GLG1: variants seen among roughly 807,000 people sequenced by gnomAD.
GLG1 encodes golgi glycoprotein 1.
GLG1 carries 38 observed loss-of-function variants against 160.5 expected under a neutral mutation model. The ratio of observed to expected loss-of-function variants is 0.24; its 90% CI spans 0.18 to 0.31. The LOEUF (loss-of-function observed/expected upper bound fraction) is 0.31. GLG1 is among the 10% of genes least tolerant of loss of function. GLG1 has a pLI of 1.00. For synonymous variants in GLG1, 644 were observed against 543.4 expected, an observed-to-expected ratio of 1.19 and a Z score of -2.57; for missense variants, 1,373 against 1,505.2, an observed-to-expected ratio of 0.91 and a Z score of 1.45.
rs1472286993 is a variant in GLG1, at chr16:74,477,393, T to C, written c.1965+3A>G. On this transcript the variant is annotated splice_donor_region_variant and intron_variant, in intron 12 of 25. Coordinates refer to ENST00000422840, the MANE Select transcript of GLG1 (RefSeq NM_001145667.2). ...AAGACAAACAGAAAGCGATGTCACC[T>C]ACCTGTCCAGTCTCTGTTTTCTCAC... 3 of 1,608,206 alleles carry C rather than the reference T, an allele frequency of 1.9e-6. No individual in the cohort carries two copies. Among genetic ancestry groups the C allele is most frequent in the Non-Finnish European group, 2.6e-6 (3 of 1,174,740 alleles).
intron 12 of GLG1, among the ~76,000 whole-genome samples, chr16:74,476,537 G>A (rs1204317845): frequency 6.6e-6 from 1 of 152,122 alleles, no homozygotes; most frequent in Non-Finnish European, 1.5e-5. Flanking sequence ...TGGTACAAAT[G>A]GAACCCAGAA....
chr16:74,604,189 C>G (rs2143926636), intron 1 of GLG1, among the ~76,000 whole-genome samples: 1 of 152,112 alleles, frequency 6.6e-6, no homozygotes, highest in East Asian at 1.9e-4. Context: ...ACCCTGTCTC[C>G]ATAATAAAAA....
Position 74,600,753 on chromosome 16 carries a change from A to C in GLG1, c.438+5904T>G, listed in dbSNP as rs1035356009. Among the ~76,000 whole-genome samples the C allele has an allele frequency of 6.5e-3, 893 of 138,020 alleles. 3 individuals carry two copies. Among genetic ancestry groups the C allele is most frequent in the Middle Eastern group, 0.025 (7 of 278 alleles). 90.5% of individuals were successfully genotyped at this position (138,020 alleles called of 152,430 possible). ...CCTCAAAAAAAAAAAAAAAAAAAAA[A>C]ACAAAAAAAAACAGTGACAGAAATT... is the stretch of plus-strand genomic sequence containing the variant. On this transcript the variant is annotated intron_variant, in intron 1 of 25. Transcript: ENST00000422840.
At chr16:74,577,165 A>T (rs903730411) in intron 1 of GLG1, among the ~76,000 whole-genome samples, 3 of 152,164 alleles carry the variant, frequency 2.0e-5, no homozygotes, top group African/African-American at 7.2e-5. Flanking sequence ...GGCTCAAGAG[A>T]TCCTCCCACC....
chr16:74,519,015 A>G (rs1354093856), intron 2 of GLG1, among the ~76,000 whole-genome samples: 2 of 152,224 alleles, frequency 1.3e-5, no homozygotes, highest in African/African-American at 4.8e-5. Context: ...AAATCATTAT[A>G]TGATAAAGAC....
chr16:74,498,447 A>AACTATATATATATATATATATATAT, intron 4 of GLG1, among the ~76,000 whole-genome samples: 1 of 8,224 alleles, frequency 1.2e-4, no homozygotes, highest in East Asian at 9.6e-3. Context: ...AAAAAAAAAA[A>AACTATATATATATATATATATATAT]GTATATATAT....
At chr16:74,547,390 A>C (rs1230076563) in intron 1 of GLG1, among the ~76,000 whole-genome samples, 4 of 151,938 alleles carry the variant, frequency 2.6e-5, no homozygotes, top group Non-Finnish European at 5.9e-5. Context: ...TAGCTTACAT[A>C]AGTAATTGCC....
In GLG1 at chr16:74,474,542, T is replaced by C; in HGVS notation, c.2052+4A>G. On this transcript the variant is annotated splice_donor_region_variant and intron_variant, in intron 13 of 25. Transcript: ENST00000422840. ...CTCCAATGAGTAAGCTGCATACCACTTACCTCTGATTCTAACTCAGTGAGG... is the reference window on the plus strand; with the variant it reads ...CTCCAATGAGTAAGCTGCATACCACCTACCTCTGATTCTAACTCAGTGAGG... 7.2e-7 allele frequency: 1 copy of C among 1,379,562 alleles called. No homozygotes were observed. The highest frequency in any genetic ancestry group is 1.0e-6 in the Non-Finnish European group (1 of 965,898). 85.5% of individuals were successfully genotyped at this position (1,379,562 alleles called of 1,614,324 possible).
At chr16:74,470,166 T>C in intron 15 of GLG1, 93 bp from the exon 16 acceptor site, 3 of 775,244 alleles carry the variant, frequency 3.9e-6, no homozygotes, top group Non-Finnish European at 6.9e-6. Flanking sequence ...CTCACAAGCC[T>C]GTTTACAAGA....
Position 74,452,429 on chromosome 16 carries a change from C to T in GLG1, c.*738G>A. On this transcript the variant is annotated 3_prime_UTR_variant, in exon 26 of 26. Coordinates refer to ENST00000422840, the MANE Select transcript of GLG1 (RefSeq NM_001145667.2). ...CCGGTCCCTTCCCCTCCCCAGCTGC[C>T]CTTGTCTAGGAAGGCTCATGCTTTG... 8.6e-7 allele frequency: 1 copy of T among 1,156,270 alleles called. No homozygotes were observed. Among genetic ancestry groups the T allele is most frequent in the South Asian group, 2.5e-5 (1 of 39,348 alleles). The allele number at this position is 1,156,270 out of a possible 1,614,324, so 71.6% of individuals were successfully genotyped here.
intron 1 of GLG1, among the ~76,000 whole-genome samples, chr16:74,600,483 G>T (rs180671422): frequency 1.3e-3 from 202 of 152,198 alleles, no homozygotes; most frequent in African/African-American, 4.4e-3. Flanking sequence ...TGTAATCCTA[G>T]CACTTTGGGA....
chr16:74,485,902 G>C lies in GLG1; in HGVS notation c.1465C>G (p.Gln489Glu), dbSNP rs979915946. ...TAATCTGCACCAGGGTCAGTCTCCTGAATCAGTGTTTGAAGCTGAATTAAA... is the reference window on the plus strand; with the variant it reads ...TAATCTGCACCAGGGTCAGTCTCCTCAATCAGTGTTTGAAGCTGAATTAAA... ...NCQQALQTLI[Q>E]ETDPGADYRI... is the part of the protein sequence containing the mutation. The change falls in exon 9 of 26, where the codon CAG becomes GAG. Residue 489 changes from glutamine (Q) to glutamate (E), a missense_variant. Gln to Glu is a conservative substitution (Grantham distance 29). Transcript: ENST00000422840. 1.2e-6 allele frequency: 2 copies of C among 1,611,596 alleles called. No individual in the cohort carries two copies. Among genetic ancestry groups the C allele is most frequent in the African/African-American group, 1.3e-5 (1 of 74,858 alleles).
At chr16:74,528,926 G>C (rs1002432740) in intron 2 of GLG1, among the ~76,000 whole-genome samples, 5 of 150,336 alleles carry the variant, frequency 3.3e-5, no homozygotes, top group South Asian at 2.1e-4. Flanking sequence ...AAAACATCTT[G>C]GCCATTATTT....
chr16:74,569,181 T>C (rs1487284018), intron 1 of GLG1, among the ~76,000 whole-genome samples: 3 of 152,230 alleles, frequency 2.0e-5, no homozygotes, highest in Non-Finnish European at 4.4e-5. Flanking sequence ...TCCACAGATC[T>C]GAGCACAGAT....
At chr16:74,534,046 T>C (rs1167308318) in intron 1 of GLG1, among the ~76,000 whole-genome samples, 1 of 152,144 alleles carries the variant, frequency 6.6e-6, no homozygotes, top group East Asian at 1.9e-4. Flanking sequence ...CAGTAGGCAT[T>C]AGCAACATAC....
Position 74,477,542 on chromosome 16 carries a change from G to GA in GLG1, c.1828-10dup, listed in dbSNP as rs1315059605. ...CGGCACTCCCGTGAGAGCTGCATGA[G>GA]AAAAAATGAGCTAAATACTTGAAAG... On this transcript the variant is annotated splice_polypyrimidine_tract_variant and intron_variant, in intron 11 of 25. Coordinates refer to ENST00000422840, the MANE Select transcript of GLG1 (RefSeq NM_001145667.2). 1.2e-6 allele frequency: 2 copies of GA among 1,603,088 alleles called. No homozygotes were observed. Among genetic ancestry groups the GA allele is most frequent in the Non-Finnish European group, 1.7e-6 (2 of 1,174,742 alleles).
At chr16:74,554,308 C>T (rs9930432) in intron 1 of GLG1, among the ~76,000 whole-genome samples, 36,788 of 151,886 alleles carry the variant, frequency 0.24, 5,018 homozygotes, top group South Asian at 0.47. Flanking sequence ...CCGAGGCGGA[C>T]GGATCACTTG....
chr16:74,579,190 C>CG (rs1957879727), intron 1 of GLG1, among the ~76,000 whole-genome samples: 1 of 151,718 alleles, frequency 6.6e-6, no homozygotes, highest in Non-Finnish European at 1.5e-5. Flanking sequence ...CTTAAAAATA[C>CG]AAACAACAAC....
At position 74,450,103 on chromosome 16, in the gene GLG1, G is replaced by C. The variant is rs928412789; in HGVS notation, c.*3064C>G. On this transcript the variant is annotated 3_prime_UTR_variant, in exon 26 of 26. Transcript: ENST00000422840. ...CAGGGACACTGGCATGAACTGGTAA[G>C]TCCAGATGACAGTGACCCAGCTGCT... 1.3e-5 allele frequency: 2 copies of C among 152,248 alleles called. No homozygotes were observed. The highest frequency in any genetic ancestry group is 6.5e-5 in the Admixed American group (1 of 15,276). 9.4% of individuals were successfully genotyped at this position (152,248 alleles called of 1,614,324 possible). A position where few individuals can be genotyped will look rare whatever the true frequency, so the allele number is the denominator to read the frequency against.
Sources: allele counts gnomAD v4.1 joint callset (sites outside exome capture counted in the v4.1 genomes callset), GRCh38; gene constraint gnomAD v4.1.1; transcripts MANE v1.5; gene names NCBI Gene and HGNC (gene_info 2026-07-23, HGNC 2026-07-21).